The following GAK variants were observed in gnomAD, a reference collection of about 807,000 sequenced individuals.
GAK encodes the protein cyclin G associated kinase.
Under a neutral mutation model 143.9 loss-of-function variants are expected in GAK, and 79 were observed. The ratio of observed to expected loss-of-function variants is 0.55; its 90% CI spans 0.46 to 0.66. The LOEUF is 0.66. Among genes scored for constraint, GAK ranks in the 30% least tolerant of loss-of-function variants. GAK has a pLI of 0.00. For missense variants in GAK, 1,693 were observed against 1,779.7 expected (o/e 0.95, Z 0.88); for synonymous variants, 881 against 765.5 (o/e 1.15, Z -2.49).
rs753072873 is a variant in GAK at position 893,337 on chromosome 4, C to T, written c.990+40G>A. The T allele has an allele frequency of 2.8e-6, 4 of 1,414,058 alleles. No homozygotes were observed. The South Asian group carries it at 4.2e-5, about 15-fold the overall frequency. The allele number at this position is 1,414,058 out of a possible 1,614,324, so 87.6% of individuals were successfully genotyped here. On this transcript the variant is annotated intron_variant, in intron 9 of 27. Coordinates refer to ENST00000314167, the MANE Select transcript of GAK (RefSeq NM_005255.4). ...CTGGGGCTCATGTGTGCCTCCTTCA[C>T]CACTGCGGGGGATTTGGGGCTCACG... is the stretch of plus-strand genomic sequence containing the variant.
chr4:898,120 C>T lies in GAK; in HGVS notation c.564G>A (p.Lys188=), dbSNP rs778283763. 6.2e-7 allele frequency: 1 copy of T among 1,614,208 alleles called. No homozygotes were observed. The highest frequency in any genetic ancestry group is 1.1e-5 in the South Asian group (1 of 91,090). Reference sequence around the variant, plus strand: ...TCGTGGCACTGCCAAAGTCACACAGCTTAATGGTCCCTTGGTTACTAAGCA... The same window carrying T: ...TCGTGGCACTGCCAAAGTCACACAGTTTAATGGTCCCTTGGTTACTAAGCA... ...NLLLSNQGTI[K]LCDFGSATTI... Residue 188 remains lysine (K), a synonymous_variant, in exon 6 of 28, where the codon AAG becomes AAA. Transcript: ENST00000314167.
intron 24 of GAK, among the ~76,000 whole-genome samples, chr4:857,661 C>G (rs989807281): frequency 6.6e-6 from 1 of 152,178 alleles, no homozygotes; most frequent in Admixed American, 6.5e-5. Flanking sequence ...CACCATCCCC[C>G]ATATCGATGA....
At chr4:921,377 G>T (rs1299217739) in intron 1 of GAK, among the ~76,000 whole-genome samples, 1 of 152,066 alleles carries the variant, frequency 6.6e-6, no homozygotes, top group African/African-American at 2.4e-5. Flanking sequence ...TACAGGCCTG[G>T]GCTACCACGC....
rs146609783 is a variant in GAK, at chr4:867,314, G to A, written c.2514C>T (p.Ser838=). 2.6e-5 allele frequency: 42 copies of A among 1,611,110 alleles called. No homozygotes were observed. Among genetic ancestry groups the A allele is most frequent in the Non-Finnish European group, 3.1e-5 (36 of 1,178,486 alleles). Residue 838 remains serine (S), a synonymous_variant, in exon 21 of 28, where the codon AGC becomes AGT. Coordinates refer to ENST00000314167, the MANE Select transcript of GAK (RefSeq NM_005255.4). ...VSDEGGSPIS[S]EGQEPRADPE... ...GGTCGGCCCTGGGTTCCTGGCCCTC[G>A]CTGGAGATCGGGGATCCCCCTTCAT...
chr4:855,555 T>C (rs975464937), intron 24 of GAK, among the ~76,000 whole-genome samples: 9 of 152,236 alleles, frequency 5.9e-5, no homozygotes, highest in African/African-American at 1.9e-4. Flanking sequence ...TCTCCCTTTG[T>C]AGTGCGTGTA....
chr4:868,887 C>A (rs887307401), intron 19 of GAK: 5 of 591,304 alleles, frequency 8.5e-6, no homozygotes, highest in African/African-American at 1.9e-5. Context: ...CTGGGCCATG[C>A]GTGCACACTT....
chr4:921,110 C>CTT (rs369937374), intron 1 of GAK, among the ~76,000 whole-genome samples: 2 of 148,604 alleles, frequency 1.3e-5, no homozygotes, highest in African/African-American at 4.9e-5. Flanking sequence ...TCTTCTTTTT[C>CTT]TTTTTTTTTT....
intron 11 of GAK, among the ~76,000 whole-genome samples, chr4:885,102 A>G (rs1716025349): frequency 6.6e-6 from 1 of 151,560 alleles, no homozygotes; most frequent in Non-Finnish European, 1.5e-5. Context: ...GTGCGTTCAA[A>G]CGTTTTAAAA....
chr4:849,769 C>G lies in GAK; in HGVS notation c.3840G>C (p.Ala1280=), dbSNP rs773959957. Residue 1280 remains alanine, a synonymous_variant, in exon 28 of 28, where the codon GCG becomes GCC. Coordinates refer to ENST00000314167, the MANE Select transcript of GAK (RefSeq NM_005255.4). The part of the protein sequence containing the change: ...AVLAVHPDKA[A]GQPYEQHAKM... ...TGGCGTGCTGCTCGTACGGCTGCCC[C>G]GCAGCCTATGGGTGACAGGCGGTGT... 5 of 1,611,916 alleles carry G rather than the reference C, an allele frequency of 3.1e-6. No homozygotes were observed. Among genetic ancestry groups the G allele is most frequent in the East Asian group, 2.2e-5 (1 of 44,814 alleles).
chr4:906,170 CAGCAGCCG>C (rs563103919), intron 4 of GAK, among the ~76,000 whole-genome samples: 2,607 of 152,330 alleles, frequency 0.017, 31 homozygotes, highest in Non-Finnish European at 0.025. Context: ...ACTGGCATCT[CAGCAGCCG>C]AGCCGGCGAG....
intron 5 of GAK, among the ~76,000 whole-genome samples, chr4:903,138 C>G (rs546048115): frequency 6.6e-5 from 10 of 151,808 alleles, no homozygotes; most frequent in African/African-American, 2.4e-4. Flanking sequence ...CGGCCCAGAA[C>G]CACCTGTGTG....
chr4:883,612 C>G (rs953685300), intron 12 of GAK, 149 bp from the exon 13 acceptor site: 2 of 843,610 alleles, frequency 2.4e-6, no homozygotes, highest in African/African-American at 1.7e-5. Flanking sequence ...CCCCCTCACC[C>G]TCCGTGGACT....
rs958607018 is a variant in GAK at position 859,843 on chromosome 4, C to A, written c.3167-121G>T. 3.7e-5 allele frequency: 27 copies of A among 730,478 alleles called. No individual in the cohort carries two copies. The African/African-American group carries it at 4.4e-4, about 12-fold the overall frequency. The allele number at this position is 730,478 out of a possible 1,614,324, so 45.2% of individuals were successfully genotyped here. A position where few individuals can be genotyped will look rare whatever the true frequency, so the allele number is the denominator to read the frequency against. On this transcript the variant is annotated intron_variant, in intron 23 of 27. Coordinates refer to ENST00000314167, the MANE Select transcript of GAK (RefSeq NM_005255.4). The stretch of plus-strand genomic sequence containing the variant: ...CTCACTCCTGCCTGAGAGCTGGCAC[C>A]TGCATGGCTTGCGTGCACGAGACCA...
At chr4:925,898 C>T (rs892876514) in intron 1 of GAK, among the ~76,000 whole-genome samples, 7 of 152,172 alleles carry the variant, frequency 4.6e-5, no homozygotes, top group African/African-American at 1.4e-4. Flanking sequence ...CACGGGGATG[C>T]GCACCCACAC....
intron 1 of GAK, among the ~76,000 whole-genome samples, chr4:917,718 T>C (rs1723300892): frequency 6.6e-6 from 1 of 152,270 alleles, no homozygotes; most frequent in Admixed American, 6.5e-5. Flanking sequence ...GCGTGGCAGA[T>C]ACAGTGTGTG....
chr4:873,078 G>A lies in GAK; in HGVS notation c.2055-2174C>T, dbSNP rs530318075. 2.8e-4 allele frequency among the ~76,000 whole-genome samples: 42 copies of A among 151,592 alleles called. No homozygotes were observed. In the South Asian group the frequency reaches 8.4e-3, roughly 30 times the overall value. ...TCGCCCACAGCGCAGCCTTGATCTC[G>A]CAGGTTCAAGCAATCCTCCTGCCTC... is the stretch of plus-strand genomic sequence containing the variant. On this transcript the variant is annotated intron_variant, in intron 18 of 27. Coordinates refer to ENST00000314167, the MANE Select transcript of GAK (RefSeq NM_005255.4).
At chr4:875,070 C>T (rs1035388619) in intron 18 of GAK, among the ~76,000 whole-genome samples, 7 of 152,178 alleles carry the variant, frequency 4.6e-5, no homozygotes, top group Admixed American at 2.0e-4. Context: ...ATCATTCCCC[C>T]GACTTTCTTG....
chr4:856,261 G>T lies in GAK; in HGVS notation c.3283+3345C>A, dbSNP rs147195354. 7.3e-3 allele frequency among the ~76,000 whole-genome samples: 1,008 copies of T among 138,388 alleles called. 11 individuals carry two copies. The highest frequency in any genetic ancestry group is 0.028 in the African/African-American group (936 of 33,344). The allele number at this position is 138,388 out of a possible 152,430, so 90.8% of individuals were successfully genotyped here. ...CTGCTCACACCTGCTCACCACAGCT[G>T]CTCACAACTGCTCACACCTCACCAC... is the stretch of plus-strand genomic sequence containing the variant. On this transcript the variant is annotated intron_variant, in intron 24 of 27. Coordinates refer to ENST00000314167, the MANE Select transcript of GAK (RefSeq NM_005255.4).
intron 1 of GAK, among the ~76,000 whole-genome samples, chr4:927,195 A>C (rs370700009): frequency 1.0e-4 from 1 of 9,984 alleles, no homozygotes; most frequent in Non-Finnish European, 1.9e-4. Flanking sequence ...GCTCACCTGC[A>C]GTCCGCACTG....
Sources: allele counts gnomAD v4.1 joint callset (sites outside exome capture counted in the v4.1 genomes callset), GRCh38; gene constraint gnomAD v4.1.1; transcripts MANE v1.5; gene names NCBI Gene and HGNC (gene_info 2026-07-23, HGNC 2026-07-21).